PHF14: variants seen among roughly 807,000 people sequenced by gnomAD.
The protein encoded by PHF14 is PHD finger protein 14.
PHF14 carries 55 observed loss-of-function variants against 117.9 expected under a neutral mutation model. The ratio of observed to expected loss-of-function variants is 0.47; its 90% CI spans 0.38 to 0.58. The LOEUF is 0.58. Ranked by LOEUF, PHF14 falls within the 20% of genes least tolerant of loss-of-function variation. The pLI is 0.00. For missense variants in PHF14, 978 were observed against 1,122.2 expected (o/e 0.87, Z 1.84); for synonymous variants, 409 against 368.6 (o/e 1.11, Z -1.26).
chr7:11,057,133 C>A (rs770253109), intron 14 of PHF14, among the ~76,000 whole-genome samples: 36 of 152,020 alleles, frequency 2.4e-4, no homozygotes, highest in Non-Finnish European at 3.4e-4. Context: ...GTGACCTGGT[C>A]ACAAGTGAAT....
intron 12 of PHF14, among the ~76,000 whole-genome samples, chr7:11,041,424 T>TTGTGTG (rs58282147): frequency 0.014 from 2,045 of 150,366 alleles, 45 homozygotes; most frequent in African/African-American, 0.045. Context: ...GCTGGTGTTT[T>TTGTGTG]TGTGTGTGTG....
chr7:11,123,035 T>A (rs1435035814), intron 17 of PHF14, among the ~76,000 whole-genome samples: 1 of 152,168 alleles, frequency 6.6e-6, no homozygotes, highest in African/African-American at 2.4e-5. Flanking sequence ...TCAGTGAACT[T>A]CTTCTCTCCT....
chr7:10,988,727 A>T (rs927152417), intron 3 of PHF14, among the ~76,000 whole-genome samples: 1 of 152,082 alleles, frequency 6.6e-6, no homozygotes, highest in African/African-American at 2.4e-5. Context: ...TTAACAAGAG[A>T]TACAGCGGAA....
chr7:11,118,761 C>G (rs1409559479), intron 17 of PHF14, among the ~76,000 whole-genome samples: 1 of 151,634 alleles, frequency 6.6e-6, no homozygotes, highest in Non-Finnish European at 1.5e-5. Context: ...CAGTATTGAT[C>G]TGTTTGGTTC....
intron 4 of PHF14, among the ~76,000 whole-genome samples, chr7:10,995,596 C>T (rs928599143): frequency 6.6e-5 from 10 of 152,326 alleles, no homozygotes; most frequent in South Asian, 4.1e-4. Context: ...CGCCACAGAG[C>T]GGGGGCAGCA....
Position 11,028,737 on chromosome 7 carries a change from T to C in PHF14, c.1374T>C (p.Cys458=). The change falls in exon 7 of 18, where the codon TGT becomes TGC. Residue 458 remains cysteine (C), a synonymous_variant. Transcript: ENST00000634607. ...CTAGAACTGGGGTTTGCATTAGCTG[T>C]GATGCAGGGATGTGCAGAGCCTATT... ...RFARTGVCIS[C]DAGMCRAYFH... 1 of 1,613,782 alleles carries C rather than the reference T, an allele frequency of 6.2e-7. No homozygotes were observed.
intron 17 of PHF14, among the ~76,000 whole-genome samples, chr7:11,134,953 C>G (rs59451704): frequency 1.1e-4 from 17 of 152,196 alleles, no homozygotes; most frequent in African/African-American, 3.1e-4. Context: ...CATAAACATG[C>G]TGATATCTTT....
chr7:11,006,727 G>C, intron 4 of PHF14: 2 of 669,606 alleles, frequency 3.0e-6, no homozygotes, highest in Non-Finnish European at 5.6e-6. Context: ...AGTGTCTTGG[G>C]CTGCTGGAAG....
chr7:11,111,591 C>G (rs1787448586), intron 17 of PHF14, 124 bp downstream of exon 17: 1 of 547,388 alleles, frequency 1.8e-6, no homozygotes, highest in African/African-American at 1.9e-5. Context: ...AACCAGTACA[C>G]CTTAAGAATA....
At chr7:11,122,797 G>A (rs574209015) in intron 17 of PHF14, among the ~76,000 whole-genome samples, 2 of 152,034 alleles carry the variant, frequency 1.3e-5, no homozygotes, top group Admixed American at 6.6e-5. Flanking sequence ...GTCCAGTCCT[G>A]CTGTATATTA....
rs1784017859 is a variant in PHF14, at chr7:11,028,821, AGGTTTATTTAAACCCATAGTT to A, written c.1455+7_1455+27del. On this transcript the variant is annotated splice_donor_5th_base_variant and intron_variant, in intron 7 of 17. Coordinates refer to ENST00000634607, the MANE Select transcript of PHF14 (RefSeq NM_001007157.2). ...TTTCAGAGGCAGCGGCGGAAGAGGT[AGGTTTATTTAAACCCATAGTT>A]GGTGAACATGTTCACAAGATATCTT... 2 of 1,613,074 alleles carry A rather than the reference AGGTTTATTTAAACCCATAGTT, an allele frequency of 1.2e-6. No homozygotes were observed. The highest frequency in any genetic ancestry group is 1.7e-5 in the Admixed American group (1 of 59,952).
At chr7:10,990,943 G>T (rs1028458847) in intron 4 of PHF14, 96 bp downstream of exon 4, 1 of 805,208 alleles carries the variant, frequency 1.2e-6, no homozygotes, top group Non-Finnish European at 1.9e-6. Flanking sequence ...ATGGTGTTTC[G>T]GTTGAAATAA....
chr7:11,006,996 G>C (rs1783131605), intron 4 of PHF14: 2 of 354,986 alleles, frequency 5.6e-6, no homozygotes, highest in South Asian at 4.9e-5. Flanking sequence ...TTAATGTGGT[G>C]AAACTCCCTT....
chr7:11,152,862 AAGTC>A (rs1788739567), intron 17 of PHF14, among the ~76,000 whole-genome samples: 1 of 152,176 alleles, frequency 6.6e-6, no homozygotes, highest in African/African-American at 2.4e-5. Flanking sequence ...TACAAAATAA[AAGTC>A]AGAGGAAACA....
chr7:11,165,471 T>C (rs1263028241), intron 17 of PHF14, among the ~76,000 whole-genome samples: 2 of 152,182 alleles, frequency 1.3e-5, no homozygotes, highest in Non-Finnish European at 2.9e-5. Flanking sequence ...TCTATAAAGA[T>C]ATAAAGAATA....
At chr7:11,144,832 A>G (rs973931199) in intron 17 of PHF14, among the ~76,000 whole-genome samples, 1 of 151,846 alleles carries the variant, frequency 6.6e-6, no homozygotes, top group Admixed American at 6.6e-5. Context: ...TTTGCCAAGT[A>G]AAATAGCCAG....
intron 16 of PHF14, chr7:11,105,142 A>G: frequency 6.2e-6 from 6 of 975,442 alleles, no homozygotes; most frequent in Non-Finnish European, 7.3e-6. Flanking sequence ...TTATAAAAAG[A>G]CTTGAAATTA....
rs149191471 is a variant in PHF14 at position 11,045,956 on chromosome 7, T to C, written c.2312+3142T>C. Among the ~76,000 whole-genome samples, 1,302 of 152,288 alleles carry C rather than the reference T, an allele frequency of 8.5e-3. 16 individuals are homozygous for C. The highest frequency in any genetic ancestry group is 0.03 in the African/African-American group (1,241 of 41,556). On this transcript the variant is annotated intron_variant, in intron 13 of 17. Coordinates refer to ENST00000634607, the MANE Select transcript of PHF14 (RefSeq NM_001007157.2). ...TGATTATTTGATTTTTCTTGAATTA[T>C]GCTCTGCTGCCCAGGAGAAGGAGAG... is the stretch of plus-strand genomic sequence containing the variant.
Position 10,990,836 on chromosome 7 carries a change from C to T in PHF14, c.1034C>T (p.Thr345Ile). 1 of 1,586,414 alleles carries T rather than the reference C, an allele frequency of 6.3e-7. No homozygotes were observed. Among genetic ancestry groups the T allele is most frequent in the Non-Finnish European group, 8.6e-7 (1 of 1,164,692 alleles). Residue 345 changes from threonine to isoleucine, a missense_variant, in exon 4 of 18, where the codon ACA (threonine) becomes ATA (isoleucine). Physicochemically the swap from Thr to Ile is moderately conservative, Grantham distance 89. Transcript: ENST00000634607. ...EIIQCDNCGI[T>I]VHEGCYGVDG... ...ATTCAGTGTGACAATTGTGGCATTA[C>T]AGTCCATGAAGGTAATGTTGCTTTC...
Sources: allele counts gnomAD v4.1 joint callset (sites outside exome capture counted in the v4.1 genomes callset), GRCh38; gene constraint gnomAD v4.1.1; transcripts MANE v1.5; gene names NCBI Gene and HGNC (gene_info 2026-07-23, HGNC 2026-07-21).